The following FYB2 variants were observed in gnomAD, a reference collection of about 807,000 sequenced individuals.
FYB2 encodes the protein FYN-binding protein 2.
FYB2 carries 103 observed loss-of-function variants against 94.1 expected under a neutral mutation model. That is an observed-to-expected ratio of 1.09 (90% CI 0.93 to 1.29). The LOEUF (loss-of-function observed/expected upper bound fraction) is 1.29, where lower values mean the gene tolerates loss of function less well. FYB2 is among the 50% of genes most tolerant of loss of function. The probability of loss-of-function intolerance (pLI) is 0.00; values close to 1 mark genes in which losing one functional copy is unlikely to be tolerated. For missense variants in FYB2, 896 were observed against 841.5 expected, an observed-to-expected ratio of 1.06 and a Z score of -0.80; for synonymous variants, 293 against 287.9, an observed-to-expected ratio of 1.02 and a Z score of -0.18.
chr1:56,782,983 C>G (rs1646043423), intron 4 of FYB2, among the ~76,000 whole-genome samples: 1 of 152,158 alleles, frequency 6.6e-6, no homozygotes, highest in African/African-American at 2.4e-5. Flanking sequence ...CTACTTTGCT[C>G]ACACAAATAG....
chr1:56,803,895 A>G (rs552600872), intron 1 of FYB2, among the ~76,000 whole-genome samples: 5 of 152,262 alleles, frequency 3.3e-5, no homozygotes, highest in African/African-American at 1.2e-4. Context: ...TCCACCATCA[A>G]TGGCCCCTTC....
At chr1:56,745,812 G>A (rs750835886) in intron 9 of FYB2, among the ~76,000 whole-genome samples, 1 of 151,918 alleles carries the variant, frequency 6.6e-6, no homozygotes, top group Non-Finnish European at 1.5e-5. Flanking sequence ...GAAGTCCCTT[G>A]TTATTTCTGT....
chr1:56,753,795 A>G (rs1279097450), intron 8 of FYB2, 44 bp downstream of exon 8: 2 of 1,386,384 alleles, frequency 1.4e-6, no homozygotes, highest in African/African-American at 2.9e-5. Flanking sequence ...CCATGAACTG[A>G]TCTGTTATAT....
chr1:56,817,337 A>G (rs551221031), intron 1 of FYB2, among the ~76,000 whole-genome samples: 2 of 152,336 alleles, frequency 1.3e-5, no homozygotes, highest in African/African-American at 4.8e-5. Context: ...CACACAGCCC[A>G]TTAATTCCTA....
chr1:56,770,934 C>T (rs1022938513), intron 4 of FYB2, among the ~76,000 whole-genome samples: 2 of 152,146 alleles, frequency 1.3e-5, no homozygotes, highest in African/African-American at 4.8e-5. Flanking sequence ...ATTTAGTTCA[C>T]ATTCATCAGA....
chr1:56,782,997 CT>C (rs527619572), intron 4 of FYB2, among the ~76,000 whole-genome samples: 213 of 152,256 alleles, frequency 1.4e-3, no homozygotes, highest in African/African-American at 4.8e-3. Context: ...CAAATAGGGA[CT>C]GCTTATTCAA....
At chr1:56,771,623 G>A (rs546061501) in intron 4 of FYB2, among the ~76,000 whole-genome samples, 11 of 152,168 alleles carry the variant, frequency 7.2e-5, no homozygotes, top group Non-Finnish European at 1.2e-4. Context: ...TAGGGTTAGG[G>A]TTAGGGTTAA....
chr1:56,813,872 C>T (rs1646822406), intron 1 of FYB2, among the ~76,000 whole-genome samples: 1 of 152,184 alleles, frequency 6.6e-6, no homozygotes, highest in African/African-American at 2.4e-5. Flanking sequence ...ACTTGCTCAA[C>T]ACTGAACAAC....
chr1:56,729,524 C>A (rs1476455482), intron 15 of FYB2, among the ~76,000 whole-genome samples: 2 of 152,006 alleles, frequency 1.3e-5, no homozygotes, highest in Non-Finnish European at 2.9e-5. Flanking sequence ...ATATATAAAG[C>A]AAATATTATT....
chr1:56,791,794 T>C (rs1352159866), intron 2 of FYB2, among the ~76,000 whole-genome samples: 2 of 152,184 alleles, frequency 1.3e-5, no homozygotes, highest in East Asian at 1.9e-4. Flanking sequence ...ATTGCCTAAA[T>C]TCATGCAGCT....
chr1:56,788,304 A>C (rs116568617), intron 3 of FYB2, among the ~76,000 whole-genome samples: 1 of 152,230 alleles, frequency 6.6e-6, no homozygotes, highest in Non-Finnish European at 1.5e-5. Context: ...AAATGTTAGC[A>C]CAGCAGTACA....
chr1:56,799,837 C>A (rs919016303), intron 1 of FYB2, among the ~76,000 whole-genome samples: 2 of 152,290 alleles, frequency 1.3e-5, no homozygotes, highest in Admixed American at 6.5e-5. Context: ...CAATGGCATT[C>A]ATTGCACTGC....
Position 56,744,269 on chromosome 1 carries a change from G to A in FYB2, c.1388-3C>T, listed in dbSNP as rs762793251. ...CTCCAAAACCTCCAGATGCCCACCT[G>A]AAAGGAAACCAGAAAACCTGAAAAA... On this transcript the variant is annotated splice_region_variant and splice_polypyrimidine_tract_variant and intron_variant, in intron 9 of 19. Coordinates refer to ENST00000343433, the MANE Select transcript of FYB2 (RefSeq NM_001004303.5). 5.6e-6 allele frequency: 9 copies of A among 1,605,906 alleles called. No individual in the cohort carries two copies. Among genetic ancestry groups the A allele is most frequent in the Non-Finnish European group, 7.7e-6 (9 of 1,175,266 alleles).
chr1:56,768,926 G>A (rs1232630924), intron 4 of FYB2, among the ~76,000 whole-genome samples: 1 of 152,118 alleles, frequency 6.6e-6, no homozygotes, highest in Non-Finnish European at 1.5e-5. Context: ...TTTGGAGAAA[G>A]GAGTTATAGA....
intron 13 of FYB2, among the ~76,000 whole-genome samples, chr1:56,739,303 C>T (rs928328683): frequency 8.6e-5 from 13 of 152,034 alleles, no homozygotes; most frequent in Admixed American, 7.2e-4. Flanking sequence ...TCTCAGAAAA[C>T]ATCTAATCTG....
At chr1:56,720,647 G>T in intron 17 of FYB2, 1 of 190,070 alleles carries the variant, frequency 5.3e-6, no homozygotes, top group Non-Finnish European at 1.1e-5. Context: ...ACATGTGCAG[G>T]ATGTGCAGGT....
chr1:56,738,698 T>C (rs767023993), intron 13 of FYB2, 45 bp from the exon 14 acceptor site: 5 of 1,589,888 alleles, frequency 3.1e-6, no homozygotes, highest in Middle Eastern at 3.3e-4. Flanking sequence ...AAAAAAACCA[T>C]GTTTGGAAAG....
At chr1:56,762,837 A>G (rs1030595922) in intron 5 of FYB2, among the ~76,000 whole-genome samples, 1 of 152,218 alleles carries the variant, frequency 6.6e-6, no homozygotes, top group African/African-American at 2.4e-5. Flanking sequence ...AAAAGCATTC[A>G]GTGTTTCACC....
At position 56,819,295 on chromosome 1, in the gene FYB2, T is replaced by A. The variant is rs1361672492; in HGVS notation, c.-5A>T. ...AGACAGCCTTACCCCTTCCATTGCT[T>A]TCCTCCAAGGCAGAGTCAGGGAAAC... On this transcript the variant is annotated 5_prime_UTR_variant, in exon 1 of 20. Transcript: ENST00000343433. 1.2e-6 allele frequency: 2 copies of A among 1,614,200 alleles called. No homozygotes were observed. Among genetic ancestry groups the A allele is most frequent in the Non-Finnish European group, 1.7e-6 (2 of 1,180,032 alleles).
Sources: allele counts gnomAD v4.1 joint callset (sites outside exome capture counted in the v4.1 genomes callset), GRCh38; gene constraint gnomAD v4.1.1; transcripts MANE v1.5; gene names NCBI Gene and HGNC (gene_info 2026-07-23, HGNC 2026-07-21).